The following RASA2 variants were observed in gnomAD, a reference collection of about 807,000 sequenced individuals.
RASA2 encodes the protein ras GTPase-activating protein 2.
RASA2 carries 155 observed loss-of-function variants against 118.2 expected under a neutral mutation model. The ratio of observed to expected loss-of-function variants is 1.31; its 90% CI spans 1.15 to 1.50. The LOEUF (loss-of-function observed/expected upper bound fraction) is 1.50, where lower values mean the gene tolerates loss of function less well. RASA2 is among the 40% of genes most tolerant of loss of function. RASA2 has a pLI of 0.00. For synonymous variants in RASA2, 353 were observed against 349.1 expected, an observed-to-expected ratio of 1.01 and a Z score of -0.12; for missense variants, 1,016 against 1,009.6, an observed-to-expected ratio of 1.01 and a Z score of -0.09.
chr3:141,493,676 A>G (rs9813177), intron 1 of RASA2, among the ~76,000 whole-genome samples: 71,594 of 152,036 alleles, frequency 0.47, 18,250 homozygotes, highest in African/African-American at 0.68. Context: ...TATATTTGAT[A>G]TATTAATTCT....
chr3:141,602,422 T>G (rs1023778777), intron 19 of RASA2, among the ~76,000 whole-genome samples: 2 of 152,224 alleles, frequency 1.3e-5, no homozygotes, highest in African/African-American at 4.8e-5. Context: ...CATGCCACCC[T>G]TATCTGACAG....
At chr3:141,596,975 G>A (rs561194566) in intron 19 of RASA2, among the ~76,000 whole-genome samples, 5 of 152,158 alleles carry the variant, frequency 3.3e-5, no homozygotes, top group Non-Finnish European at 7.3e-5. Flanking sequence ...GAAAACATAT[G>A]CCCACACAAA....
chr3:141,510,746 G>A (rs1429225234), intron 1 of RASA2, among the ~76,000 whole-genome samples: 1 of 152,152 alleles, frequency 6.6e-6, no homozygotes, highest in Non-Finnish European at 1.5e-5. Flanking sequence ...ACATGGTGTG[G>A]CACAGTTGAT....
At chr3:141,530,993 CT>C (rs1434572199) in intron 4 of RASA2, among the ~76,000 whole-genome samples, 5 of 152,034 alleles carry the variant, frequency 3.3e-5, no homozygotes, top group Non-Finnish European at 7.4e-5. Context: ...ATAAAAGTTG[CT>C]GTGTTCGATT....
At chr3:141,531,773 C>T (rs1310068310) in intron 4 of RASA2, among the ~76,000 whole-genome samples, 1 of 151,886 alleles carries the variant, frequency 6.6e-6, no homozygotes, top group Non-Finnish European at 1.5e-5. Flanking sequence ...AGGAAAAGTA[C>T]TTTGTGGGGT....
intron 3 of RASA2, among the ~76,000 whole-genome samples, chr3:141,520,657 TGC>T (rs1234203466): frequency 6.6e-6 from 1 of 151,890 alleles, no homozygotes; most frequent in Non-Finnish European, 1.5e-5. Context: ...CATATATATA[TGC>T]ACACACATAT....
intron 9 of RASA2, among the ~76,000 whole-genome samples, chr3:141,564,539 G>A (rs1324746714): frequency 6.6e-6 from 1 of 152,168 alleles, no homozygotes; most frequent in African/African-American, 2.4e-5. Context: ...TGAGGGGGTA[G>A]GGGATTCTGG....
intron 9 of RASA2, among the ~76,000 whole-genome samples, chr3:141,569,895 T>C (rs1324655071): frequency 2.0e-5 from 3 of 152,162 alleles, no homozygotes; most frequent in African/African-American, 7.2e-5. Context: ...TTTGGTTTTC[T>C]GTTTCTGCAT....
intron 5 of RASA2, among the ~76,000 whole-genome samples, chr3:141,542,146 A>G (rs1252076422): frequency 6.6e-6 from 1 of 151,638 alleles, no homozygotes; most frequent in Non-Finnish European, 1.5e-5. Flanking sequence ...AATCAAAACT[A>G]TAACAAAAGG....
rs2083601593 is a variant in RASA2, at chr3:141,609,421, G to C, written c.2227G>C (p.Gly743Arg). Residue 743 changes from glycine to arginine, a missense_variant and splice_region_variant, in exon 22 of 24, where the codon GGT (glycine) becomes CGT (arginine). Physicochemically the swap from Gly to Arg is moderately radical, Grantham distance 125. Transcript: ENST00000286364. ...NTLGCKPCTA[G>R]VPADIQIDID... ...TTTATTTTTTTATTTTTACCATAGAGGTGTCCCTGCAGACATCCAAATAGA... is the reference window on the plus strand; with the variant it reads ...TTTATTTTTTTATTTTTACCATAGACGTGTCCCTGCAGACATCCAAATAGA... 6.5e-7 allele frequency: 1 copy of C among 1,533,416 alleles called. No homozygotes were observed. Among genetic ancestry groups the C allele is most frequent in the Non-Finnish European group, 8.9e-7 (1 of 1,129,390 alleles). 95.0% of individuals were successfully genotyped at this position (1,533,416 alleles called of 1,614,324 possible). A position where few individuals can be genotyped will look rare whatever the true frequency, so the allele number is the denominator to read the frequency against.
chr3:141,603,342 G>A (rs1314957989), intron 19 of RASA2, among the ~76,000 whole-genome samples: 4 of 152,026 alleles, frequency 2.6e-5, no homozygotes, highest in East Asian at 1.9e-4. Context: ...AGGCCAAGGC[G>A]GGTGGATCAC....
At chr3:141,549,854 G>A (rs1428938964) in intron 5 of RASA2, among the ~76,000 whole-genome samples, 3 of 151,852 alleles carry the variant, frequency 2.0e-5, no homozygotes, top group African/African-American at 7.3e-5. Context: ...AAAAATAATG[G>A]GGATATGTAA....
intron 19 of RASA2, among the ~76,000 whole-genome samples, chr3:141,589,568 C>A (rs542164578): frequency 3.9e-5 from 6 of 152,182 alleles, no homozygotes; most frequent in Admixed American, 3.3e-4. Context: ...TCTGGCCGGG[C>A]GCGGTGGCTC....
chr3:141,530,113 G>C (rs1360860094), intron 4 of RASA2, among the ~76,000 whole-genome samples: 1 of 152,030 alleles, frequency 6.6e-6, no homozygotes, highest in Non-Finnish European at 1.5e-5. Context: ...GGGAAAATAT[G>C]TGTTTTATTA....
intron 4 of RASA2, among the ~76,000 whole-genome samples, chr3:141,531,062 G>C (rs2082252603): frequency 6.6e-6 from 1 of 152,080 alleles, no homozygotes; most frequent in Non-Finnish European, 1.5e-5. Flanking sequence ...AGCTGTTAAT[G>C]CTATACAGAT....
intron 1 of RASA2, among the ~76,000 whole-genome samples, chr3:141,507,758 A>G (rs1013265580): frequency 1.3e-5 from 2 of 152,226 alleles, no homozygotes; most frequent in African/African-American, 4.8e-5. Flanking sequence ...CTCCATGACA[A>G]TGTTTGCTAG....
intron 19 of RASA2, among the ~76,000 whole-genome samples, chr3:141,605,340 T>A (rs2083530856): frequency 6.6e-6 from 1 of 152,180 alleles, no homozygotes; most frequent in Admixed American, 6.5e-5. Flanking sequence ...CTTTTTCTTC[T>A]TGTACTGTAT....
At chr3:141,503,956 A>G (rs2081824545) in intron 1 of RASA2, among the ~76,000 whole-genome samples, 1 of 152,254 alleles carries the variant, frequency 6.6e-6, no homozygotes, top group African/African-American at 2.4e-5. Flanking sequence ...TGAAATGGAA[A>G]AAAGAAGTTT....
intron 15 of RASA2, 44 bp downstream of exon 15, chr3:141,577,150 T>G (rs1358047616): frequency 7.0e-7 from 1 of 1,430,824 alleles, no homozygotes; most frequent in East Asian, 2.3e-5. Flanking sequence ...TTTTTTTAAT[T>G]TTTATTAAAA....
Sources: gnomAD v4.1 joint callset for allele counts (sites outside exome capture counted in the v4.1 genomes callset) on GRCh38, gnomAD v4.1.1 for gene constraint, MANE v1.5 for transcripts, NCBI Gene and HGNC (gene_info 2026-07-23, HGNC 2026-07-21) for gene names.